IARS1: variants seen among roughly 807,000 people sequenced by gnomAD.
The protein encoded by IARS1 is isoleucyl-tRNA synthetase 1, also known as isoleucine--tRNA ligase, cytoplasmic.
A neutral mutation model predicts 168.2 loss-of-function variants in IARS1; 124 were observed. The ratio of observed to expected loss-of-function variants is 0.74; its 90% CI spans 0.64 to 0.86. IARS1 has a LOEUF of 0.86. Among genes scored for constraint, IARS1 ranks in the 40% least tolerant of loss-of-function variants. The pLI is 0.00. For synonymous variants in IARS1, 532 were observed against 529.4 expected (o/e 1.00, Z -0.07); for missense variants, 1,452 against 1,515.8 (o/e 0.96, Z 0.70).
chr9:92,241,096 A>C, intron 29 of IARS1, 135 bp from the exon 30 acceptor site: 1 of 537,670 alleles, frequency 1.9e-6, no homozygotes, highest in Non-Finnish European at 3.4e-6. Context: ...CTCATTACTC[A>C]AAGTATCAAA....
intron 3 of IARS1, 27 bp from the exon 4 acceptor site, chr9:92,287,937 C>T: frequency 6.2e-7 from 1 of 1,611,556 alleles, no homozygotes; most frequent in Non-Finnish European, 8.5e-7. Context: ...AGACTGTTAC[C>T]ACGCTGCCCT....
At chr9:92,221,896 T>C (rs1839712964) in intron 33 of IARS1, among the ~76,000 whole-genome samples, 1 of 152,200 alleles carries the variant, frequency 6.6e-6, no homozygotes, top group South Asian at 2.1e-4. Flanking sequence ...ATTTTGACTT[T>C]TGGGGGAAAG....
In IARS1 at chr9:92,210,826, G is replaced by A. The variant is rs771358408; in HGVS notation, c.3770C>T (p.Pro1257Leu). 6.2e-7 allele frequency: 1 copy of A among 1,609,288 alleles called. No homozygotes were observed. Among genetic ancestry groups the A allele is most frequent in the Admixed American group, 1.7e-5 (1 of 60,016 alleles). Reference protein sequence around the residue: ...NMKTVYVSVLPTTADF With the variant: ...NMKTVYVSVLLTTADF Reference sequence around the variant, plus strand: ...TACATGCTAGAAGTCTGCTGTTGTTGGTAACACAGAAACATACACAGTCTT... The same window carrying A: ...TACATGCTAGAAGTCTGCTGTTGTTAGTAACACAGAAACATACACAGTCTT... The change falls in exon 34 of 34, where the codon CCA becomes CTA. Residue 1257 changes from proline (P) to leucine (L), a missense_variant. Pro to Leu is a moderately conservative substitution (Grantham distance 98). Coordinates refer to ENST00000443024, the MANE Select transcript of IARS1 (RefSeq NM_002161.6).
At chr9:92,254,474 C>T (rs929669166) in intron 20 of IARS1, among the ~76,000 whole-genome samples, 1 of 152,178 alleles carries the variant, frequency 6.6e-6, no homozygotes, top group Admixed American at 6.5e-5. Context: ...AAGTTGCAAC[C>T]GGCAGAGCTG....
At chr9:92,250,368 G>A in intron 23 of IARS1, 79 bp from the exon 24 acceptor site, 2 of 918,708 alleles carry the variant, frequency 2.2e-6, no homozygotes, top group Non-Finnish European at 3.6e-6. Flanking sequence ...GCATAAGCGA[G>A]GAAGAGGGTC....
intron 7 of IARS1, among the ~76,000 whole-genome samples, chr9:92,280,461 A>G (rs1834380139): frequency 6.6e-6 from 1 of 152,202 alleles, no homozygotes; most frequent in South Asian, 2.1e-4. Context: ...GCTGAATCTT[A>G]GATTCTTCAT....
intron 20 of IARS1, among the ~76,000 whole-genome samples, chr9:92,255,644 T>C (rs1239684017): frequency 6.6e-6 from 1 of 152,222 alleles, no homozygotes; most frequent in Non-Finnish European, 1.5e-5. Context: ...AAAATAGAAC[T>C]AAAAATAAGT....
At position 92,212,089 on chromosome 9, in the gene IARS1, A is replaced by C. The variant is rs369636392; in HGVS notation, c.3707-1200T>G. On this transcript the variant is annotated intron_variant, in intron 33 of 33. Transcript: ENST00000443024. ...TTCCTTTAAAAATAGCTCTTGTCCTACCTAGCAGCAATCCTAGATGTGAGA... is the reference window on the plus strand; with the variant it reads ...TTCCTTTAAAAATAGCTCTTGTCCTCCCTAGCAGCAATCCTAGATGTGAGA... 3.2e-4 allele frequency among the ~76,000 whole-genome samples: 49 copies of C among 152,344 alleles called. No individual in the cohort carries two copies. The South Asian group carries it at 8.7e-3, about 27-fold the overall frequency.
At chr9:92,213,847 T>C (rs1291618225) in intron 33 of IARS1, among the ~76,000 whole-genome samples, 5 of 152,146 alleles carry the variant, frequency 3.3e-5, no homozygotes, top group Non-Finnish European at 7.3e-5. Context: ...GTTTAACTCT[T>C]GTCGCCCAGG....
chr9:92,287,974 C>G (rs1421797451), intron 3 of IARS1, 64 bp from the exon 4 acceptor site: 1 of 1,590,778 alleles, frequency 6.3e-7, no homozygotes, highest in Non-Finnish European at 8.6e-7. Context: ...CTATGCAACT[C>G]TAGAAAACAA....
chr9:92,259,357 CAT>C (rs1831197826), intron 18 of IARS1, among the ~76,000 whole-genome samples: 1 of 152,182 alleles, frequency 6.6e-6, no homozygotes, highest in Non-Finnish European at 1.5e-5. Context: ...ACACGACCTG[CAT>C]CTGCTGCTTG....
At chr9:92,275,633 A>G (rs1272315136) in intron 9 of IARS1, among the ~76,000 whole-genome samples, 1 of 152,238 alleles carries the variant, frequency 6.6e-6, no homozygotes, top group African/African-American at 2.4e-5. Context: ...GAAGCAGTAT[A>G]GACAAAGTCA....
At position 92,256,556 on chromosome 9, in the gene IARS1, G is replaced by A. The variant is rs1386385946; in HGVS notation, c.2137+124C>T. On this transcript the variant is annotated intron_variant, in intron 20 of 33. Transcript: ENST00000443024. ...AACAAGCCTTAACAAAACTATATGA[G>A]AGGTAAAAGGAAACAATTATTTAAT... 4.0e-6 allele frequency: 4 copies of A among 999,642 alleles called. No individual in the cohort carries two copies. The Admixed American group carries it at 9.4e-5, about 24-fold the overall frequency. The allele number at this position is 999,642 out of a possible 1,614,324, so 61.9% of individuals were successfully genotyped here.
intron 9 of IARS1, among the ~76,000 whole-genome samples, chr9:92,277,571 G>A (rs961559304): frequency 6.6e-6 from 1 of 151,886 alleles, no homozygotes; most frequent in South Asian, 2.1e-4. Context: ...CCAGCTACTC[G>A]GGATGGGGCA....
chr9:92,265,437 G>C (rs1216340971), intron 15 of IARS1, 43 bp downstream of exon 15: 3 of 1,534,244 alleles, frequency 2.0e-6, no homozygotes, highest in African/African-American at 1.4e-5. Flanking sequence ...GTCTTAATAG[G>C]AGAATCGTAA....
At chr9:92,270,163 G>GT (rs1454073073) in intron 12 of IARS1, among the ~76,000 whole-genome samples, 180 bp from the exon 13 acceptor site, 2 of 152,128 alleles carry the variant, frequency 1.3e-5, no homozygotes, top group Non-Finnish European at 2.9e-5. Flanking sequence ...TTCCACAATA[G>GT]TAAGAAAGGC....
chr9:92,291,196 G>C (rs551984825), intron 1 of IARS1, among the ~76,000 whole-genome samples: 1 of 152,084 alleles, frequency 6.6e-6, no homozygotes, highest in South Asian at 2.1e-4. Context: ...CTAACAAGGT[G>C]GGTGACGAGC....
At chr9:92,253,606 TGAC>T (rs1379751854) in intron 20 of IARS1, among the ~76,000 whole-genome samples, 153 bp from the exon 21 acceptor site, 1 of 152,188 alleles carries the variant, frequency 6.6e-6, no homozygotes, top group Non-Finnish European at 1.5e-5. Context: ...AATCACATAA[TGAC>T]TGTTTGTTGA....
intron 27 of IARS1, among the ~76,000 whole-genome samples, chr9:92,243,714 G>A (rs981473142): frequency 3.3e-5 from 5 of 152,110 alleles, no homozygotes; most frequent in Non-Finnish European, 7.4e-5. Flanking sequence ...GTGGATCAAC[G>A]GCCTCAGCGC....
Sources: gnomAD v4.1 joint callset for allele counts (sites outside exome capture counted in the v4.1 genomes callset) on GRCh38, gnomAD v4.1.1 for gene constraint, MANE v1.5 for transcripts, NCBI Gene and HGNC (gene_info 2026-07-23, HGNC 2026-07-21) for gene names.